MYH1: variants seen among roughly 807,000 people sequenced by gnomAD.
The protein encoded by MYH1 is myosin heavy chain 1.
A neutral mutation model predicts 225.6 loss-of-function variants in MYH1; 214 were observed. That is an observed-to-expected ratio of 0.95 (90% confidence interval 0.85 to 1.06). MYH1 has a LOEUF of 1.06. Ranked by LOEUF, MYH1 falls within the 50% of genes least tolerant of loss-of-function variation. MYH1 has a pLI of 0.00. For missense variants in MYH1, 2,098 were observed against 2,344.2 expected, an observed-to-expected ratio of 0.89 and a Z score of 2.17; for synonymous variants, 774 against 842.3, an observed-to-expected ratio of 0.92 and a Z score of 1.40.
chr17:10,511,655 C>T (rs902289062), intron 14 of MYH1, among the ~76,000 whole-genome samples, 184 bp downstream of exon 14: 3 of 152,168 alleles, frequency 2.0e-5, no homozygotes, highest in African/African-American at 7.2e-5. Context: ...GAATCCAGGT[C>T]TGTCTCATTC....
Position 10,501,333 on chromosome 17 carries a change from TC to T in MYH1, c.3514del (p.Glu1172ArgfsTer25), listed in dbSNP as rs1567717388. The T allele has an allele frequency of 6.2e-7, 1 of 1,614,058 alleles. No homozygotes were observed. The highest frequency in any genetic ancestry group is 8.5e-7 in the Non-Finnish European group (1 of 1,180,042). ...CCTGCGCATTTTCTGGAACTCAGCC[TC>T]CCGCTTCTTGTTCATCTCAATCTGG... ...SAQIEMNKKR[E>X]AEFQKMRRDL... On this transcript the variant is annotated frameshift_variant, in exon 27 of 40. Coordinates refer to ENST00000226207, the MANE Select transcript of MYH1 (RefSeq NM_005963.4). LOFTEE classifies it high-confidence loss of function.
chr17:10,499,111 A>G lies in MYH1; in HGVS notation c.3866-19T>C, dbSNP rs759316011. On this transcript the variant is annotated intron_variant, in intron 28 of 39. Coordinates refer to ENST00000226207, the MANE Select transcript of MYH1 (RefSeq NM_005963.4). ...TATTCACCTGTAAAAGACCAAGTCC[A>G]GAAAACTCAACCTTACTTTGGAAAT... 6.3e-7 allele frequency: 1 copy of G among 1,583,248 alleles called. No individual in the cohort carries two copies. The highest frequency in any genetic ancestry group is 8.7e-7 in the Non-Finnish European group (1 of 1,154,648).
Position 10,495,304 on chromosome 17 carries a change from A to G in MYH1, c.5183T>C (p.Ile1728Thr), listed in dbSNP as rs371788103. 3 of 1,614,000 alleles carry G rather than the reference A, an allele frequency of 1.9e-6. No homozygotes were observed. The highest frequency in any genetic ancestry group is 1.3e-5 in the African/African-American group (1 of 74,888). The change falls in exon 36 of 40, where the codon ATC becomes ACC. Residue 1728 changes from isoleucine (I) to threonine (T), a missense_variant. By Grantham distance (89) the Ile-to-Thr change is moderately conservative. Transcript: ENST00000226207. ...QLLHTQNTSL[I>T]NTKKKLETDI... ...TGTCTCCAGCTTCTTCTTGGTGTTG[A>G]TCAGGCTGGTGTTCTGTTTAAAATG... is the stretch of plus-strand genomic sequence containing the variant.
chr17:10,502,650 T>G (rs2073070213), intron 24 of MYH1, 88 bp downstream of exon 24: 1 of 1,573,814 alleles, frequency 6.4e-7, no homozygotes, highest in Non-Finnish European at 8.7e-7. Flanking sequence ...ACTTGATAAG[T>G]ACTCACTATA....
chr17:10,511,454 C>G (rs2073169287), intron 14 of MYH1, among the ~76,000 whole-genome samples: 2 of 152,076 alleles, frequency 1.3e-5, no homozygotes, highest in African/African-American at 4.8e-5. Context: ...CTGAGTGCTG[C>G]CTGCATGCTT....
chr17:10,495,164 G>C (rs1341932712), intron 36 of MYH1, 28 bp downstream of exon 36: 1 of 1,614,168 alleles, frequency 6.2e-7, no homozygotes, highest in Admixed American at 1.7e-5. Flanking sequence ...ATTTAAGTTT[G>C]ACCACCACTG....
chr17:10,518,154 A>T (rs956037740), intron 2 of MYH1, 86 bp downstream of exon 2: 1 of 151,456 alleles, frequency 6.6e-6, no homozygotes, highest in Non-Finnish European at 1.5e-5. Flanking sequence ...CACTTCCCTC[A>T]CCCCGCCCCT....
chr17:10,496,114 C>T lies in MYH1; in HGVS notation c.5005G>A (p.Glu1669Lys), dbSNP rs781342950. 38 of 1,614,072 alleles carry T rather than the reference C, an allele frequency of 2.4e-5. No homozygotes were observed. In the Admixed American group the frequency reaches 5.8e-4, roughly 25 times the overall value. Reference sequence around the variant, plus strand: ...ATAGCCAGCTGTTCCTTCAGGTCCTCCTGGCTCCGGAGAGCATCATCCAGG... The same window carrying T: ...ATAGCCAGCTGTTCCTTCAGGTCCTTCTGGCTCCGGAGAGCATCATCCAGG... ...LHLDDALRSQ[E>K]DLKEQLAMVE... The change falls in exon 35 of 40, where the codon GAG becomes AAG. Residue 1669 changes from glutamate to lysine, a missense_variant. Physicochemically the swap from Glu to Lys is moderately conservative, Grantham distance 56. Coordinates refer to ENST00000226207, the MANE Select transcript of MYH1 (RefSeq NM_005963.4).
intron 23 of MYH1, 45 bp from the exon 24 acceptor site, chr17:10,502,959 G>T (rs772951730): frequency 1.9e-6 from 3 of 1,614,164 alleles, no homozygotes; most frequent in Admixed American, 3.3e-5. Flanking sequence ...AAGCACCTTT[G>T]TTGGGTGGCA....
intron 34 of MYH1, 33 bp downstream of exon 34, chr17:10,496,208 A>C: frequency 6.2e-7 from 1 of 1,614,080 alleles, no homozygotes; most frequent in Non-Finnish European, 8.5e-7. Flanking sequence ...AGGCACCCCA[A>C]TTGTCCTGGG....
rs959193897 is a variant in MYH1 at position 10,517,266 on chromosome 17, C to T, written c.-40-584G>A. 3.4e-4 allele frequency among the ~76,000 whole-genome samples: 51 copies of T among 152,136 alleles called. 3 individuals are homozygous for T. The highest frequency in any genetic ancestry group is 1.0e-4 in the Non-Finnish European group (7 of 68,026). On this transcript the variant is annotated intron_variant, in intron 2 of 39. Coordinates refer to ENST00000226207, the MANE Select transcript of MYH1 (RefSeq NM_005963.4). The stretch of plus-strand genomic sequence containing the variant: ...ATAAACTTGGGAGTTACGAAGACTT[C>T]CTAATATACAGGAAAGCAGAAATGT...
rs145884242 is a variant in MYH1, at chr17:10,514,288, G to GA, written c.534-165dup. ...TTTTGCTTTGCACTGGCAAGAAGTA[G>GA]AAAAAATCAGTCATTGTTCATTTAA... On this transcript the variant is annotated intron_variant, in intron 6 of 39. Coordinates refer to ENST00000226207, the MANE Select transcript of MYH1 (RefSeq NM_005963.4). Among the ~76,000 whole-genome samples, 313 of 152,282 alleles carry GA rather than the reference G, an allele frequency of 2.1e-3. 1 individual carries two copies. The highest frequency in any genetic ancestry group is 7.3e-3 in the African/African-American group (302 of 41,550).
chr17:10,514,684 AT>A (rs2073207636), intron 6 of MYH1, among the ~76,000 whole-genome samples, 183 bp downstream of exon 6: 1 of 152,254 alleles, frequency 6.6e-6, no homozygotes, highest in South Asian at 2.1e-4. Flanking sequence ...AAATGAGGTG[AT>A]TTAGAACATT....
chr17:10,496,167 C>A lies in MYH1; in HGVS notation c.4966-14G>T, dbSNP rs766884206. Reference sequence around the variant, plus strand: ...GAGCTGGGTATCCTGTGGAACAAACCGTCATTGAGACACCATGTATTCAGG... The same window carrying A: ...GAGCTGGGTATCCTGTGGAACAAACAGTCATTGAGACACCATGTATTCAGG... On this transcript the variant is annotated splice_polypyrimidine_tract_variant and intron_variant, in intron 34 of 39. Coordinates refer to ENST00000226207, the MANE Select transcript of MYH1 (RefSeq NM_005963.4). The A allele has an allele frequency of 1.2e-6, 2 of 1,614,110 alleles. No individual in the cohort carries two copies. Among genetic ancestry groups the A allele is most frequent in the Admixed American group, 3.3e-5 (2 of 60,024 alleles).
Position 10,499,116 on chromosome 17 carries a change from A to C in MYH1, c.3866-24T>G. 3 of 1,567,566 alleles carry C rather than the reference A, an allele frequency of 1.9e-6. No homozygotes were observed. The East Asian group carries it at 6.7e-5, about 35-fold the overall frequency. The stretch of plus-strand genomic sequence containing the variant: ...ACCTGTAAAAGACCAAGTCCAGAAA[A>C]CTCAACCTTACTTTGGAAATTAAAA... On this transcript the variant is annotated intron_variant, in intron 28 of 39. Coordinates refer to ENST00000226207, the MANE Select transcript of MYH1 (RefSeq NM_005963.4).
At chr17:10,508,205 G>C (rs933546429) in intron 16 of MYH1, among the ~76,000 whole-genome samples, 158 bp downstream of exon 16, 1 of 151,936 alleles carries the variant, frequency 6.6e-6, no homozygotes, top group Admixed American at 6.6e-5. Context: ...TTTTAGTAGA[G>C]ACGGGGTTTT....
Position 10,512,165 on chromosome 17 carries a change from T to G in MYH1, c.1175A>C (p.Asn392Thr). 12 of 1,614,142 alleles carry G rather than the reference T, an allele frequency of 7.4e-6. No homozygotes were observed. Among genetic ancestry groups the G allele is most frequent in the Middle Eastern group, 1.6e-4 (1 of 6,062 alleles). Residue 392 changes from asparagine to threonine, a missense_variant, in exon 13 of 40, where the codon AAT (asparagine) becomes ACT (threonine). Transcript: ENST00000226207. ...EVADKAAYLQ[N>T]LNSADLLKAL... Reference sequence around the variant, plus strand: ...TTTGAGCAGATCTGCAGAGTTCAGATTTTGGAGATAGGCTGCCTTGTCAGC... The same window carrying G: ...TTTGAGCAGATCTGCAGAGTTCAGAGTTTGGAGATAGGCTGCCTTGTCAGC...
chr17:10,505,619 A>G, intron 19 of MYH1, 108 bp from the exon 20 acceptor site: 2 of 1,415,504 alleles, frequency 1.4e-6, no homozygotes, highest in Non-Finnish European at 1.9e-6. Flanking sequence ...ATAAACAAGA[A>G]ATCATATCTA....
At chr17:10,497,612 A>G in intron 31 of MYH1, 122 bp downstream of exon 31, 7 of 1,502,560 alleles carry the variant, frequency 4.7e-6, no homozygotes, top group Non-Finnish European at 6.3e-6. Context: ...CTCCACAGAC[A>G]GCTGCTGATG....
Sources: gnomAD v4.1 joint callset for allele counts (sites outside exome capture counted in the v4.1 genomes callset) on GRCh38, gnomAD v4.1.1 for gene constraint, MANE v1.5 for transcripts, NCBI Gene and HGNC (gene_info 2026-07-23, HGNC 2026-07-21) for gene names.